EXOC4: variants seen among roughly 807,000 people sequenced by gnomAD.
The protein encoded by EXOC4 is SEC8-like 1.
In EXOC4, 71 loss-of-function variants were observed where a neutral mutation model predicts 107.2. The observed-to-expected ratio is 0.66, with a 90% confidence interval of 0.55 to 0.81. The LOEUF (loss-of-function observed/expected upper bound fraction) is 0.81, where lower values mean the gene tolerates loss of function less well. EXOC4 is among the 30% of genes least tolerant of loss of function. The probability of loss-of-function intolerance (pLI) is 0.00; values close to 1 mark genes in which losing one functional copy is unlikely to be tolerated. For synonymous variants in EXOC4, 456 were observed against 441.2 expected (o/e 1.03, Z -0.42); for missense variants, 1,108 against 1,189.6 (o/e 0.93, Z 1.01).
At chr7:133,693,525 C>A (rs1363611602) in intron 10 of EXOC4, among the ~76,000 whole-genome samples, 1 of 152,182 alleles carries the variant, frequency 6.6e-6, no homozygotes, top group African/African-American at 2.4e-5. Flanking sequence ...ATCCTTCAAT[C>A]CAATCCGGTT....
intron 10 of EXOC4, among the ~76,000 whole-genome samples, chr7:133,654,170 A>G (rs1287831788): frequency 2.0e-5 from 3 of 152,196 alleles, no homozygotes; most frequent in East Asian, 3.9e-4. Context: ...TCAATCCTGC[A>G]TGAAAGAATA....
intron 7 of EXOC4, among the ~76,000 whole-genome samples, chr7:133,453,467 A>T (rs2150811925): frequency 6.6e-6 from 1 of 152,334 alleles, no homozygotes; most frequent in African/African-American, 2.4e-5. Flanking sequence ...TTAAAGAATG[A>T]AAATGTGTAT....
intron 10 of EXOC4, among the ~76,000 whole-genome samples, chr7:133,641,414 A>G (rs1478586166): frequency 1.4e-5 from 2 of 145,292 alleles, no homozygotes; most frequent in African/African-American, 5.2e-5. Context: ...TTAAATCTCT[A>G]CACTGTCCTG....
intron 13 of EXOC4, among the ~76,000 whole-genome samples, chr7:133,930,265 C>T (rs1347353465): frequency 3.9e-5 from 6 of 152,124 alleles, no homozygotes; most frequent in Admixed American, 2.0e-4. Context: ...CTACAGAAGT[C>T]CTAGCGCCTA....
intron 17 of EXOC4, among the ~76,000 whole-genome samples, chr7:134,027,677 T>C (rs1446543233): frequency 1.6e-5 from 2 of 128,308 alleles, no homozygotes. Flanking sequence ...AAAAAAGGAA[T>C]TGGCTGAGCT....
chr7:133,922,834 G>A (rs981224874), intron 13 of EXOC4, among the ~76,000 whole-genome samples: 1 of 151,380 alleles, frequency 6.6e-6, no homozygotes, highest in Non-Finnish European at 1.5e-5. Flanking sequence ...GGGCGACAGA[G>A]CGAGACTCCG....
At chr7:133,837,586 T>A (rs1328466968) in intron 11 of EXOC4, among the ~76,000 whole-genome samples, 1 of 152,222 alleles carries the variant, frequency 6.6e-6, no homozygotes, top group Middle Eastern at 3.2e-3. Flanking sequence ...AGGGTGTCTT[T>A]GGAGGCAGAA....
rs954607109 is a variant in EXOC4 at position 133,479,691 on chromosome 7, G to A, written c.1329-359G>A. ...GGTGACTTCTGAGCTGGATGGTAACGTAATTAGAATGACTTCATAGGATGC... is the reference window on the plus strand; with the variant it reads ...GGTGACTTCTGAGCTGGATGGTAACATAATTAGAATGACTTCATAGGATGC... On this transcript the variant is annotated intron_variant, in intron 8 of 17. Coordinates refer to ENST00000253861, the MANE Select transcript of EXOC4 (RefSeq NM_021807.4). 11 of 224,540 alleles carry A rather than the reference G, an allele frequency of 4.9e-5. No individual in the cohort carries two copies. In the South Asian group the frequency reaches 7.2e-4, roughly 15 times the overall value. The allele number at this position is 224,540 out of a possible 1,614,324, so 13.9% of individuals were successfully genotyped here. A position where few individuals can be genotyped will look rare whatever the true frequency, so the allele number is the denominator to read the frequency against.
chr7:133,802,659 G>A (rs1796972837), intron 10 of EXOC4, among the ~76,000 whole-genome samples: 1 of 151,958 alleles, frequency 6.6e-6, no homozygotes, highest in South Asian at 2.1e-4. Context: ...AGGAGTTCAA[G>A]AGCAGCCTGC....
In EXOC4 at chr7:133,564,371, A is replaced by G. The variant is rs564216891; in HGVS notation, c.1418-65674A>G. On this transcript the variant is annotated intron_variant, in intron 9 of 17. Transcript: ENST00000253861. Reference sequence around the variant, plus strand: ...CTCACTATCATGAGAACAGCACCACAGGAGAAATCCACCCCTACGATCCAG... The same window carrying G: ...CTCACTATCATGAGAACAGCACCACGGGAGAAATCCACCCCTACGATCCAG... Among the ~76,000 whole-genome samples, 28 of 152,126 alleles carry G rather than the reference A, an allele frequency of 1.8e-4. No individual in the cohort carries two copies. The South Asian group carries it at 1.9e-3, about 10-fold the overall frequency.
At chr7:133,521,619 CGTTT>C (rs1167956822) in intron 9 of EXOC4, among the ~76,000 whole-genome samples, 7 of 147,816 alleles carry the variant, frequency 4.7e-5, no homozygotes, top group South Asian at 4.3e-4. Flanking sequence ...TTTTTTTGTT[CGTTT>C]GTTTGCTTGT....
At position 133,823,925 on chromosome 7, in the gene EXOC4, ATTATATAT is replaced by A. The variant is rs1202940356; in HGVS notation, c.1734+6382_1734+6389del. Among the ~76,000 whole-genome samples the A allele has an allele frequency of 6.0e-5, 5 of 83,708 alleles. 1 individual carries two copies. The highest frequency in any genetic ancestry group is 2.4e-4 in the African/African-American group (5 of 20,540). 54.9% of individuals were successfully genotyped at this position (83,708 alleles called of 152,430 possible). ...TATATATATATAAATATATATATAA[ATTATATAT>A]ATATTATATATATAGTTGAGGCTTT... is the stretch of plus-strand genomic sequence containing the variant. On this transcript the variant is annotated intron_variant, in intron 11 of 17. Transcript: ENST00000253861.
At chr7:133,883,734 G>A (rs1007777319) in intron 11 of EXOC4, among the ~76,000 whole-genome samples, 1 of 152,142 alleles carries the variant, frequency 6.6e-6, no homozygotes, top group Non-Finnish European at 1.5e-5. Flanking sequence ...TTCTGTGGGA[G>A]GTAGAATTTT....
intron 10 of EXOC4, among the ~76,000 whole-genome samples, chr7:133,698,638 G>T (rs1436969746): frequency 6.6e-6 from 1 of 151,150 alleles, no homozygotes; most frequent in Non-Finnish European, 1.5e-5. Flanking sequence ...TCACACTACA[G>T]ACTAGACTAT....
chr7:133,901,058 T>C (rs1021289057), intron 12 of EXOC4, among the ~76,000 whole-genome samples: 5 of 152,164 alleles, frequency 3.3e-5, no homozygotes, highest in South Asian at 2.1e-4. Context: ...TTAGTAGAGA[T>C]GGGGTTTCAC....
At chr7:134,070,352 C>T (rs967687309), downstream of EXOC4, among the ~76,000 whole-genome samples, 4 of 152,170 alleles carry the variant, frequency 2.6e-5, no homozygotes, top group Admixed American at 1.3e-4. Context: ...TTGGCGCAGG[C>T]GGAAGGCCTG....
intron 5 of EXOC4, among the ~76,000 whole-genome samples, chr7:133,328,050 C>G (rs1000002035): frequency 6.6e-6 from 1 of 152,112 alleles, no homozygotes; most frequent in Admixed American, 6.6e-5. Context: ...TAAAAAGTCT[C>G]CAACTATTAT....
At chr7:133,752,763 C>G (rs1795820677) in intron 10 of EXOC4, among the ~76,000 whole-genome samples, 1 of 152,202 alleles carries the variant, frequency 6.6e-6, no homozygotes, top group Non-Finnish European at 1.5e-5. Context: ...GCACAAGTAA[C>G]TTGACTCAAC....
intron 7 of EXOC4, among the ~76,000 whole-genome samples, chr7:133,384,955 A>C (rs140403497): frequency 2.6e-5 from 4 of 152,244 alleles, no homozygotes; most frequent in Non-Finnish European, 5.9e-5. Flanking sequence ...ATTGGCTGAG[A>C]ACATTCACTT....
Sources: allele counts gnomAD v4.1 joint callset (sites outside exome capture counted in the v4.1 genomes callset), GRCh38; gene constraint gnomAD v4.1.1; transcripts MANE v1.5; gene names NCBI Gene and HGNC (gene_info 2026-07-23, HGNC 2026-07-21).